The following UBA5 variants were observed in gnomAD, a reference collection of about 807,000 sequenced individuals.
The protein encoded by UBA5 is ubiquitin like modifier activating enzyme 5.
A neutral mutation model predicts 52.9 loss-of-function variants in UBA5; 28 were observed. The ratio of observed to expected loss-of-function variants is 0.53; its 90% CI spans 0.39 to 0.73. The LOEUF is 0.73. UBA5 is among the 30% of genes least tolerant of loss of function. UBA5 has a pLI of 0.00. For synonymous variants in UBA5, 135 were observed against 162.1 expected (o/e 0.83, Z 1.27); for missense variants, 388 against 492.7 (o/e 0.79, Z 2.01).
In UBA5 at chr3:132,676,938, AG is replaced by A; in HGVS notation, c.*413del. 4.4e-6 allele frequency: 2 copies of A among 451,720 alleles called. No homozygotes were observed. Among genetic ancestry groups the A allele is most frequent in the Non-Finnish European group, 8.9e-6 (2 of 224,662 alleles). The allele number at this position is 451,720 out of a possible 1,614,324, so 28.0% of individuals were successfully genotyped here. On this transcript the variant is annotated 3_prime_UTR_variant, in exon 12 of 12. Coordinates refer to ENST00000356232, the MANE Select transcript of UBA5 (RefSeq NM_024818.6). The surrounding 1 kb of genome is among the most constrained non-coding windows in gnomAD (Gnocchi z 4.1). ...ATACAGGGAGAAGGACAAGGCATAC[AG>A]CTTATTGATTAGAGCTGGCAAGCAT... is the stretch of plus-strand genomic sequence containing the variant.
chr3:132,660,993 A>G lies in UBA5; in HGVS notation c.161+295A>G, dbSNP rs750144622. On this transcript the variant is annotated intron_variant, in intron 1 of 11. Coordinates refer to ENST00000356232, the MANE Select transcript of UBA5 (RefSeq NM_024818.6). The surrounding 1 kb of genome is among the most constrained non-coding windows in gnomAD (Gnocchi z 4.1). ...TCTTAATTAGTCCGCCTCGCTGTGT[A>G]TAAGACTGATAGTAAGAACTTTCAG... The G allele has an allele frequency of 8.9e-6, 13 of 1,454,460 alleles. No individual in the cohort carries two copies. The highest frequency in any genetic ancestry group is 8.5e-5 in the South Asian group (7 of 82,416). 90.1% of individuals were successfully genotyped at this position (1,454,460 alleles called of 1,614,324 possible).
chr3:132,676,740 A>T lies in UBA5; in HGVS notation c.*214A>T, dbSNP rs991449494. ...AAATGTGTTTCATTCTAGTAAGAAA[A>T]CCTCAAAGGATATTGTAGGATATAA... On this transcript the variant is annotated 3_prime_UTR_variant, in exon 12 of 12. Transcript: ENST00000356232. This position sits in a 1 kb window ranked among gnomAD's most constrained non-coding sequence, Gnocchi z 4.1. 3.5e-5 allele frequency: 21 copies of T among 596,496 alleles called. 1 individual carries two copies. The Admixed American group carries it at 4.6e-4, about 13-fold the overall frequency. 37.0% of individuals were successfully genotyped at this position (596,496 alleles called of 1,614,324 possible).
In UBA5 at chr3:132,671,853, T is replaced by C; in HGVS notation, c.656T>C (p.Ile219Thr). The part of the protein sequence containing the change: ...ENAVSGHIQL[I>T]IPGESACFAC... ...GCAGTTTCAGGGCATATACAGCTTA[T>C]AATTCCTGGAGAATCTGCTTGTTTT... Residue 219 changes from isoleucine (I) to threonine (T), a missense_variant, in exon 7 of 12, where the codon ATA (isoleucine) becomes ACA (threonine). Transcript: ENST00000356232. 1 of 1,613,610 alleles carries C rather than the reference T, an allele frequency of 6.2e-7. No homozygotes were observed. Among genetic ancestry groups the C allele is most frequent in the African/African-American group, 1.3e-5 (1 of 75,014 alleles).
upstream of UBA5, among the ~76,000 whole-genome samples, chr3:132,655,552 C>T (rs1219589415): frequency 6.6e-6 from 1 of 152,204 alleles, no homozygotes; most frequent in Non-Finnish European, 1.5e-5. Context: ...CACTCTTTTC[C>T]TGGATATTTA....
chr3:132,668,734 A>T, intron 3 of UBA5, 84 bp from the exon 4 acceptor site: 1 of 833,872 alleles, frequency 1.2e-6, no homozygotes, highest in Non-Finnish European at 1.9e-6. Context: ...TAAACTAATT[A>T]AATGTAAAGC....
At position 132,660,464 on chromosome 3, in the gene UBA5, C is replaced by A; in HGVS notation, c.-74C>A. ...TGCCTCCCCACGTACCCCTCGCGGG[C>A]CCAGCCGAGCAACGTGGGGCGAAGG... On this transcript the variant is annotated 5_prime_UTR_variant, in exon 1 of 12. Coordinates refer to ENST00000356232, the MANE Select transcript of UBA5 (RefSeq NM_024818.6). This position sits in a 1 kb window ranked among gnomAD's most constrained non-coding sequence, Gnocchi z 4.1. 1 of 1,528,882 alleles carries A rather than the reference C, an allele frequency of 6.5e-7. No homozygotes were observed. The highest frequency in any genetic ancestry group is 8.8e-7 in the Non-Finnish European group (1 of 1,139,750). The allele number at this position is 1,528,882 out of a possible 1,614,324, so 94.7% of individuals were successfully genotyped here.
At position 132,676,064 on chromosome 3, in the gene UBA5, G is replaced by T; in HGVS notation, c.1131+141G>T. On this transcript the variant is annotated intron_variant, in intron 11 of 11. Coordinates refer to ENST00000356232, the MANE Select transcript of UBA5 (RefSeq NM_024818.6). This position sits in a 1 kb window ranked among gnomAD's most constrained non-coding sequence, Gnocchi z 4.1. ...GCATTAAGATGTGAGAGAGAGGTAT[G>T]CAGTGTTAATATGCAAATATTTATA... is the stretch of plus-strand genomic sequence containing the variant. 1 of 636,932 alleles carries T rather than the reference G, an allele frequency of 1.6e-6. No individual in the cohort carries two copies. Among genetic ancestry groups the T allele is most frequent in the Non-Finnish European group, 2.7e-6 (1 of 371,290 alleles). 39.5% of individuals were successfully genotyped at this position (636,932 alleles called of 1,614,324 possible). A position where few individuals can be genotyped will look rare whatever the true frequency, so the allele number is the denominator to read the frequency against.
In UBA5 at chr3:132,665,062, T is replaced by C. The variant is rs113221911; in HGVS notation, c.162-761T>C. Among the ~76,000 whole-genome samples, 183 of 152,220 alleles carry C rather than the reference T, an allele frequency of 1.2e-3. 1 individual carries two copies. The highest frequency in any genetic ancestry group is 3.8e-3 in the African/African-American group (157 of 41,588). On this transcript the variant is annotated intron_variant, in intron 1 of 11. Transcript: ENST00000356232. Reference sequence around the variant, plus strand: ...AGAGTTAACATCTAACCAAGATGACTATCTAACAATATTGGGAAGTTGGTG... The same window carrying C: ...AGAGTTAACATCTAACCAAGATGACCATCTAACAATATTGGGAAGTTGGTG...
Position 132,675,384 on chromosome 3 carries a change from G to A in UBA5, c.948+1G>A. ...CAGGAAGCAGCAGGAGGAATATAAG[G>A]TATATGACAATCTGTTAGAATGCAT... On this transcript the variant is annotated splice_donor_variant, in intron 9 of 11. Transcript: ENST00000356232. LOFTEE classifies it high-confidence loss of function. 1 of 1,613,184 alleles carries A rather than the reference G, an allele frequency of 6.2e-7. No individual in the cohort carries two copies. The highest frequency in any genetic ancestry group is 8.5e-7 in the Non-Finnish European group (1 of 1,179,632).
At chr3:132,660,319 T>A, upstream of UBA5, 1 of 613,954 alleles carries the variant, frequency 1.6e-6, no homozygotes, top group Non-Finnish European at 2.8e-6. The surrounding 1 kb of genome is among the most constrained non-coding windows in gnomAD (Gnocchi z 4.1). Flanking sequence ...GGGGGAGCGA[T>A]GTCTGCGACG....
rs980798068 is a variant in UBA5 at position 132,678,229 on chromosome 3, T to A, written c.*1703T>A. On this transcript the variant is annotated 3_prime_UTR_variant, in exon 12 of 12. Coordinates refer to ENST00000356232, the MANE Select transcript of UBA5 (RefSeq NM_024818.6). ...GTCTAATATCTTTCATTAAAAACAA[T>A]TGGATTATTTAACCAGAAAAAAAAT... The A allele has an allele frequency of 1.3e-5, 2 of 152,032 alleles. No homozygotes were observed. The highest frequency in any genetic ancestry group is 2.4e-5 in the African/African-American group (1 of 41,318). 9.4% of individuals were successfully genotyped at this position (152,032 alleles called of 1,614,324 possible).
upstream of UBA5, among the ~76,000 whole-genome samples, chr3:132,656,162 A>T (rs1046377473): frequency 3.3e-5 from 5 of 152,204 alleles, no homozygotes; most frequent in African/African-American, 1.2e-4. Flanking sequence ...GCTGTAGCTG[A>T]ATCATTTTCA....
At chr3:132,671,683 G>T in intron 6 of UBA5, 94 bp from the exon 7 acceptor site, 2 of 968,156 alleles carry the variant, frequency 2.1e-6, no homozygotes, top group South Asian at 1.7e-5. Flanking sequence ...AATTTTAAAA[G>T]ACCTTGGTAA....
At position 132,661,036 on chromosome 3, in the gene UBA5, T is replaced by A. The variant is rs149516856; in HGVS notation, c.161+338T>A. 3.1e-4 allele frequency: 422 copies of A among 1,358,248 alleles called. 4 individuals carry two copies. The African/African-American group carries it at 4.7e-3, about 15-fold the overall frequency. The allele number at this position is 1,358,248 out of a possible 1,614,324, so 84.1% of individuals were successfully genotyped here. A position where few individuals can be genotyped will look rare whatever the true frequency, so the allele number is the denominator to read the frequency against. On this transcript the variant is annotated intron_variant, in intron 1 of 11. Coordinates refer to ENST00000356232, the MANE Select transcript of UBA5 (RefSeq NM_024818.6). ...ACTTTCAGAAGATGAGATCAAATAT[T>A]AAACCTGCTAAGGTAAACTTTGAGT...
chr3:132,672,629 AATT>A (rs1938654677), intron 8 of UBA5, among the ~76,000 whole-genome samples: 1 of 152,204 alleles, frequency 6.6e-6, no homozygotes, highest in Non-Finnish European at 1.5e-5. Flanking sequence ...ACTAAACAGT[AATT>A]ATTGTTAATG....
chr3:132,667,424 G>C (rs1938423671), intron 3 of UBA5: 1 of 152,092 alleles, frequency 6.6e-6, no homozygotes, highest in African/African-American at 2.4e-5. Flanking sequence ...TGTCTCTGGG[G>C]ATGAGGCACA....
In UBA5 at chr3:132,679,054, G is replaced by A. The variant is rs531186200; in HGVS notation, c.*2528G>A. ...GGAGGCTGAGGTGGGTAGGTCAAGA[G>A]GTCAGGAGTTCGAGACCAGCCTGAC... On this transcript the variant is annotated 3_prime_UTR_variant, in exon 12 of 12. Transcript: ENST00000356232. Among the ~76,000 whole-genome samples the A allele has an allele frequency of 2.6e-5, 4 of 152,000 alleles. No homozygotes were observed. Among genetic ancestry groups the A allele is most frequent in the Non-Finnish European group, 5.9e-5 (4 of 67,958 alleles).
At chr3:132,668,978 T>C in intron 4 of UBA5, 51 bp downstream of exon 4, 1 of 1,212,120 alleles carries the variant, frequency 8.3e-7, no homozygotes, top group East Asian at 2.4e-5. Context: ...TTACTTTATG[T>C]ATTTGATATG....
Position 132,675,249 on chromosome 3 carries a change from T to A in UBA5, c.814T>A (p.Phe272Ile), listed in dbSNP as rs1938786643. ...AGILVQNVLK[F>I]LLNFGTVSFY... ...TTAAGTCTATTTTGATTTTTCTAGG[T>A]TTCTGTTAAATTTTGGTACTGTTAG... The change falls in exon 9 of 12, where the codon TTT (phenylalanine) becomes ATT (isoleucine). Residue 272 changes from phenylalanine (F) to isoleucine (I), a missense_variant and splice_region_variant. Physicochemically the swap from Phe to Ile is conservative, Grantham distance 21. Around this residue, in one of 3 missense-constraint regions of UBA5, gnomAD observed 277 missense variants for 326.4 expected, o/e 0.85. Coordinates refer to ENST00000356232, the MANE Select transcript of UBA5 (RefSeq NM_024818.6). 1 of 1,595,198 alleles carries A rather than the reference T, an allele frequency of 6.3e-7. No homozygotes were observed. The highest frequency in any genetic ancestry group is 1.3e-5 in the African/African-American group (1 of 74,556).
Sources: allele counts gnomAD v4.1 joint callset (sites outside exome capture counted in the v4.1 genomes callset), GRCh38; gene constraint gnomAD v4.1.1; regional missense constraint gnomAD v4.1.1; non-coding constraint Gnocchi (gnomAD v3.1); transcripts MANE v1.5; gene names NCBI Gene and HGNC (gene_info 2026-07-23, HGNC 2026-07-21).